Variants in SPSB4 observed in about 807,000 individuals in gnomAD.
SPSB4 encodes the protein splA/ryanodine receptor domain and SOCS box containing 4.
Under a neutral mutation model 20.9 loss-of-function variants are expected in SPSB4, and 21 were observed. The ratio of observed to expected loss-of-function variants is 1.01; its 90% CI spans 0.71 to 1.45. SPSB4 has a LOEUF of 1.45. Ranked by LOEUF, SPSB4 falls within the 40% of genes most tolerant of loss-of-function variation. SPSB4 has a pLI of 0.00. For synonymous variants in SPSB4, 207 were observed against 183.8 expected, an observed-to-expected ratio of 1.13 and a Z score of -1.02; for missense variants, 399 against 399.2, an observed-to-expected ratio of 1.00 and a Z score of 0.00.
At chr3:141,080,090 C>CT (rs1354350255) in intron 2 of SPSB4, among the ~76,000 whole-genome samples, 2 of 152,188 alleles carry the variant, frequency 1.3e-5, no homozygotes, top group Non-Finnish European at 1.5e-5. Flanking sequence ...TGGGACAGGT[C>CT]TCCCCGCTGC....
intron 1 of SPSB4, among the ~76,000 whole-genome samples, chr3:141,056,742 G>T (rs915383351): frequency 6.6e-6 from 1 of 152,232 alleles, no homozygotes; most frequent in Non-Finnish European, 1.5e-5. Context: ...CAGACATGCT[G>T]GGCCTCAGGG....
chr3:141,127,791 C>G (rs539169947), intron 2 of SPSB4, among the ~76,000 whole-genome samples: 206 of 152,302 alleles, frequency 1.4e-3, no homozygotes, highest in African/African-American at 4.7e-3. Context: ...ACCCAGGGCT[C>G]CCAGCTGCCT....
chr3:141,137,287 CAG>C (rs1176269210), intron 2 of SPSB4, among the ~76,000 whole-genome samples: 1 of 152,212 alleles, frequency 6.6e-6, no homozygotes, highest in East Asian at 1.9e-4. Flanking sequence ...CATCTGCAAA[CAG>C]GGACAATTTG....
chr3:141,122,526 A>C (rs1938985024), intron 2 of SPSB4, among the ~76,000 whole-genome samples: 1 of 152,176 alleles, frequency 6.6e-6, no homozygotes, highest in South Asian at 2.1e-4. Context: ...CTGCCCACAG[A>C]GGTGGAATCT....
intron 2 of SPSB4, among the ~76,000 whole-genome samples, chr3:141,104,743 C>T (rs1049081588): frequency 6.6e-6 from 1 of 152,214 alleles, no homozygotes; most frequent in African/African-American, 2.4e-5. Context: ...GCCTTTGTGG[C>T]CCCGGTTTAC....
chr3:141,129,113 T>C (rs1221914737), intron 2 of SPSB4, among the ~76,000 whole-genome samples: 1 of 152,220 alleles, frequency 6.6e-6, no homozygotes, highest in Non-Finnish European at 1.5e-5. Context: ...CACACTCTCC[T>C]GTCAGTACTG....
intron 2 of SPSB4, among the ~76,000 whole-genome samples, chr3:141,122,837 G>T (rs1207604432): frequency 6.6e-6 from 1 of 152,216 alleles, no homozygotes; most frequent in Non-Finnish European, 1.5e-5. Context: ...GTTCCTCCAG[G>T]TATAGACTGT....
chr3:141,096,108 C>T (rs373850824), intron 2 of SPSB4, among the ~76,000 whole-genome samples: 5 of 152,096 alleles, frequency 3.3e-5, no homozygotes, highest in East Asian at 1.9e-4. Flanking sequence ...GTAGGAATAA[C>T]GCCTGAGACA....
intron 1 of SPSB4, among the ~76,000 whole-genome samples, chr3:141,063,101 T>C (rs1245833074): frequency 6.6e-6 from 1 of 152,224 alleles, no homozygotes; most frequent in East Asian, 1.9e-4. Flanking sequence ...TTCTTTATTA[T>C]TATTAAGTAT....
intron 2 of SPSB4, among the ~76,000 whole-genome samples, chr3:141,137,129 T>C (rs1939242126): frequency 6.6e-6 from 1 of 152,214 alleles, no homozygotes; most frequent in South Asian, 2.1e-4. Context: ...ACTCATGATT[T>C]GGCTCTCTGT....
intron 2 of SPSB4, among the ~76,000 whole-genome samples, chr3:141,118,003 C>G (rs1356480871): frequency 6.6e-6 from 1 of 152,180 alleles, no homozygotes; most frequent in Non-Finnish European, 1.5e-5. Flanking sequence ...ATTTATAACC[C>G]TTTGGGTATA....
intron 2 of SPSB4, among the ~76,000 whole-genome samples, chr3:141,109,832 G>T (rs984226464): frequency 9.8e-5 from 15 of 152,324 alleles, no homozygotes; most frequent in African/African-American, 3.6e-4. Context: ...CAGGTCACAG[G>T]CTGGGAGCAG....
At chr3:141,065,746 T>C (rs1049089194) in intron 1 of SPSB4, among the ~76,000 whole-genome samples, 1 of 152,220 alleles carries the variant, frequency 6.6e-6, no homozygotes. Flanking sequence ...TATAGGGAGA[T>C]GTTAAGGATT....
intron 1 of SPSB4, among the ~76,000 whole-genome samples, chr3:141,065,203 C>G (rs1005090524): frequency 4.1e-4 from 63 of 152,286 alleles, no homozygotes; most frequent in African/African-American, 1.5e-3. Flanking sequence ...GCTCCAGAGC[C>G]TGGACACCGG....
At chr3:141,062,815 A>G (rs6439977) in intron 1 of SPSB4, among the ~76,000 whole-genome samples, 46,784 of 151,096 alleles carry the variant, frequency 0.31, 11,351 homozygotes, top group African/African-American at 0.67. Flanking sequence ...TTTTTTGATC[A>G]TTCCATGAAC....
chr3:141,110,841 A>C (rs1938785243), intron 2 of SPSB4, among the ~76,000 whole-genome samples: 1 of 152,240 alleles, frequency 6.6e-6, no homozygotes, highest in African/African-American at 2.4e-5. Context: ...CAAGAGCCAG[A>C]ATATTTGAGA....
At chr3:141,103,571 A>G (rs1186497297) in intron 2 of SPSB4, among the ~76,000 whole-genome samples, 2 of 152,194 alleles carry the variant, frequency 1.3e-5, no homozygotes, top group Non-Finnish European at 2.9e-5. Context: ...CTTGCAGTTC[A>G]TTTATACCTC....
At position 141,128,783 on chromosome 3, in the gene SPSB4, G is replaced by T. The variant is rs1469097127; in HGVS notation, c.695-18359G>T. Among the ~76,000 whole-genome samples the T allele has an allele frequency of 2.0e-5, 3 of 152,140 alleles. No homozygotes were observed. The East Asian group carries it at 5.8e-4, about 29-fold the overall frequency. On this transcript the variant is annotated intron_variant, in intron 2 of 2. Transcript: ENST00000310546. Reference sequence around the variant, plus strand: ...AGCATCATGGGGGGATGGCTCTTTAGCAAAGTCAGCTTCTAGAAAGAGGTT... The same window carrying T: ...AGCATCATGGGGGGATGGCTCTTTATCAAAGTCAGCTTCTAGAAAGAGGTT...
chr3:141,077,353 G>A (rs1475500721), intron 2 of SPSB4: 2 of 152,330 alleles, frequency 1.3e-5, no homozygotes, highest in East Asian at 3.9e-4. Context: ...CCTGCTGGGA[G>A]CCCCAGTGGG....
Sources: gnomAD v4.1 joint callset for allele counts (sites outside exome capture counted in the v4.1 genomes callset) on GRCh38, gnomAD v4.1.1 for gene constraint, MANE v1.5 for transcripts, NCBI Gene and HGNC (gene_info 2026-07-23, HGNC 2026-07-21) for gene names.